SAMD12: variants seen among roughly 807,000 people sequenced by gnomAD.
SAMD12 encodes sterile alpha motif domain-containing protein 12.
SAMD12 carries 9 observed loss-of-function variants against 15.0 expected under a neutral mutation model. The ratio of observed to expected loss-of-function variants is 0.60; its 90% CI spans 0.36 to 1.05. SAMD12 has a LOEUF of 1.05. Among genes scored for constraint, SAMD12 ranks in the 50% least tolerant of loss-of-function variants. The probability of loss-of-function intolerance (pLI) is 0.01; values close to 1 mark genes in which losing one functional copy is unlikely to be tolerated. For synonymous variants in SAMD12, 86 were observed against 90.1 expected (o/e 0.96, Z 0.25); for missense variants, 230 against 234.2 (o/e 0.98, Z 0.12).
At chr8:118,180,428 GC>G in the SAMD12 span, among the ~76,000 whole-genome samples, 1 of 151,992 alleles carries the variant, frequency 6.6e-6, no homozygotes, top group Admixed American at 6.6e-5. Context: ...TCTCATTCCT[GC>G]CCCCAACCCG....
At chr8:118,140,669 A>C in the SAMD12 span, among the ~76,000 whole-genome samples, 4 of 152,184 alleles carry the variant, frequency 2.6e-5, no homozygotes, top group Non-Finnish European at 5.9e-5. Flanking sequence ...GTTTCAGAGA[A>C]ACTGGCACTC....
At chr8:118,266,598 C>G (rs914178819) in intron 4 of SAMD12, among the ~76,000 whole-genome samples, 1 of 152,010 alleles carries the variant, frequency 6.6e-6, no homozygotes, top group South Asian at 2.1e-4. Context: ...AAGTGTTGGT[C>G]AGTGAGGAAC....
In SAMD12 at chr8:118,250,676, A is replaced by T. The variant is rs550685083; in HGVS notation, c.434-52944T>A. Among the ~76,000 whole-genome samples the T allele has an allele frequency of 1.0e-3, 155 of 150,812 alleles. 1 individual carries two copies. Among genetic ancestry groups the T allele is most frequent in the African/African-American group, 3.4e-3 (138 of 41,128 alleles). On this transcript the variant is annotated intron_variant, in intron 4 of 4. Coordinates refer to the SAMD12 transcript ENST00000409003. ...GTCTGGCTAAATTTTTTATTTATTT[A>T]TTTTTTTTTATTTTTGGTATTTTTT... is the stretch of plus-strand genomic sequence containing the variant.
intron 4 of SAMD12, among the ~76,000 whole-genome samples, chr8:118,367,919 A>ACT (rs1318353271): frequency 1.3e-5 from 2 of 152,144 alleles, no homozygotes; most frequent in East Asian, 3.9e-4. Context: ...CTTAAACAAA[A>ACT]CTCCTTCTTG....
the SAMD12 span, among the ~76,000 whole-genome samples, chr8:118,163,213 G>A: frequency 6.6e-6 from 1 of 152,056 alleles, no homozygotes; most frequent in Non-Finnish European, 1.5e-5. Flanking sequence ...CCAAGCAGTT[G>A]AGACGACAGG....
chr8:118,483,917 T>A (rs1191734924), intron 2 of SAMD12, among the ~76,000 whole-genome samples: 2 of 152,218 alleles, frequency 1.3e-5, no homozygotes, highest in African/African-American at 2.4e-5. Context: ...TCAGCATATA[T>A]ACACCAAGCG....
chr8:118,577,364 A>AT (rs1055654216), intron 2 of SAMD12, among the ~76,000 whole-genome samples: 5 of 152,210 alleles, frequency 3.3e-5, no homozygotes, highest in African/African-American at 1.2e-4. Context: ...TTTTAAAATT[A>AT]TGAAAGCAAT....
chr8:118,547,130 A>C (rs1826153338), intron 2 of SAMD12, among the ~76,000 whole-genome samples: 1 of 152,204 alleles, frequency 6.6e-6, no homozygotes, highest in African/African-American at 2.4e-5. Context: ...CTAACCTGTG[A>C]ATACTGAAAG....
intron 1 of SAMD12, among the ~76,000 whole-genome samples, chr8:118,594,232 T>G (rs974952053): frequency 2.9e-5 from 4 of 137,624 alleles, no homozygotes; most frequent in East Asian, 2.2e-4. Flanking sequence ...CTCAGCAAAA[T>G]GAAGAAAAAA....
At chr8:118,281,988 T>C (rs560737520) in intron 4 of SAMD12, among the ~76,000 whole-genome samples, 1 of 152,194 alleles carries the variant, frequency 6.6e-6, no homozygotes, top group Non-Finnish European at 1.5e-5. Context: ...ATGAGCTCAA[T>C]AACCACTGAA....
At chr8:118,511,724 G>A (rs1586776017) in intron 2 of SAMD12, among the ~76,000 whole-genome samples, 1 of 152,142 alleles carries the variant, frequency 6.6e-6, no homozygotes, top group Non-Finnish European at 1.5e-5. Context: ...TTTGCATGGG[G>A]CTTCACAATG....
chr8:118,183,028 A>T, the SAMD12 span, among the ~76,000 whole-genome samples: 2 of 152,356 alleles, frequency 1.3e-5, no homozygotes, highest in East Asian at 3.9e-4. Context: ...AGCATCAAAG[A>T]ATACAAAAAT....
intron 2 of SAMD12, among the ~76,000 whole-genome samples, chr8:118,443,184 C>A (rs1273691017): frequency 6.6e-6 from 1 of 152,156 alleles, no homozygotes; most frequent in East Asian, 1.9e-4. Flanking sequence ...CTGTATGAGG[C>A]TGGGCACAGT....
At chr8:118,251,806 A>G (rs1484432215) in intron 4 of SAMD12, among the ~76,000 whole-genome samples, 2 of 152,116 alleles carry the variant, frequency 1.3e-5, no homozygotes, top group African/African-American at 4.8e-5. Flanking sequence ...ATACAGAACA[A>G]GGTGATCATT....
intron 3 of SAMD12, among the ~76,000 whole-genome samples, chr8:118,419,492 G>A (rs1204854772): frequency 6.6e-6 from 1 of 152,148 alleles, no homozygotes; most frequent in African/African-American, 2.4e-5. Flanking sequence ...AGTTAACTGA[G>A]TATGTTCAGG....
At chr8:118,410,374 C>A (rs770093860) in intron 3 of SAMD12, among the ~76,000 whole-genome samples, 2 of 152,190 alleles carry the variant, frequency 1.3e-5, no homozygotes, top group African/African-American at 2.4e-5. Flanking sequence ...ATATTACTTG[C>A]ATTAATGGTC....
In SAMD12 at chr8:118,501,935, C is replaced by G. The variant is rs529719039; in HGVS notation, c.193-61974G>C. On this transcript the variant is annotated intron_variant, in intron 2 of 3. Coordinates refer to ENST00000314727, the MANE Select transcript of SAMD12 (RefSeq NM_207506.3). ...GGGAGGCTGAGGCAGGAGAATGGCA[C>G]GAACCCGTTGGGGGGCGGAGCTTGC... is the stretch of plus-strand genomic sequence containing the variant. 6.7e-5 allele frequency among the ~76,000 whole-genome samples: 10 copies of G among 150,192 alleles called. No individual in the cohort carries two copies. In the South Asian group the frequency reaches 2.1e-3, roughly 31 times the overall value.
chr8:118,409,221 A>C (rs1821281066), intron 3 of SAMD12, among the ~76,000 whole-genome samples: 1 of 152,142 alleles, frequency 6.6e-6, no homozygotes, highest in Non-Finnish European at 1.5e-5. Context: ...GTGGGAATGC[A>C]ATTTATAGGA....
intron 4 of SAMD12, among the ~76,000 whole-genome samples, chr8:118,264,098 A>T (rs1813144884): frequency 6.6e-6 from 1 of 152,132 alleles, no homozygotes; most frequent in African/African-American, 2.4e-5. Context: ...TTTCTTAAGA[A>T]CACTTGCAAG....
Sources: gnomAD v4.1 joint callset for allele counts (sites outside exome capture counted in the v4.1 genomes callset) on GRCh38, gnomAD v4.1.1 for gene constraint, MANE v1.5 for transcripts, NCBI Gene and HGNC (gene_info 2026-07-23, HGNC 2026-07-21) for gene names.